LRMDA: variants seen among roughly 807,000 people sequenced by gnomAD.
LRMDA encodes the protein leucine rich melanocyte differentiation associated, also known as leucine-rich melanocyte differentiation-associated protein.
LRMDA carries 18 observed loss-of-function variants against 29.8 expected under a neutral mutation model. That is an observed-to-expected ratio of 0.60 (90% CI 0.42 to 0.90). The LOEUF is 0.90. LRMDA is among the 40% of genes least tolerant of loss of function. The pLI is 0.00. For synonymous variants in LRMDA, 125 were observed against 109.4 expected (o/e 1.14, Z -0.89); for missense variants, 273 against 273.9 (o/e 1.00, Z 0.02).
At chr10:75,612,336 T>A (rs1197620563) in intron 2 of LRMDA, among the ~76,000 whole-genome samples, 2 of 152,186 alleles carry the variant, frequency 1.3e-5, no homozygotes, top group Admixed American at 6.5e-5. Context: ...GAAAGCAATC[T>A]AGGCAATAAT....
At chr10:76,368,223 A>T (rs1841414570) in intron 6 of LRMDA, among the ~76,000 whole-genome samples, 1 of 151,916 alleles carries the variant, frequency 6.6e-6, no homozygotes, top group Non-Finnish European at 1.5e-5. Flanking sequence ...AGACTTTTTG[A>T]TGTAGGCGTT....
rs116418313 is a variant in LRMDA, at chr10:76,218,706, G to T, written c.517-105695G>T. 6.2e-3 allele frequency among the ~76,000 whole-genome samples: 943 copies of T among 152,256 alleles called. 14 individuals carry two copies. Among genetic ancestry groups the T allele is most frequent in the African/African-American group, 0.021 (881 of 41,554 alleles). Reference sequence around the variant, plus strand: ...TGGGAGGTGTGTAGGCCCTCTGATGGCCTGTTGGTGGATCAAATCACCATT... The same window carrying T: ...TGGGAGGTGTGTAGGCCCTCTGATGTCCTGTTGGTGGATCAAATCACCATT... On this transcript the variant is annotated intron_variant, in intron 5 of 6. Transcript: ENST00000611255.
intron 2 of LRMDA, among the ~76,000 whole-genome samples, chr10:75,880,403 G>A (rs1183785874): frequency 2.6e-5 from 4 of 152,268 alleles, no homozygotes; most frequent in South Asian, 2.1e-4. Context: ...AAATTTTCAC[G>A]CTAACATTTT....
chr10:75,687,989 GA>G (rs200319614), intron 2 of LRMDA, among the ~76,000 whole-genome samples: 1 of 152,082 alleles, frequency 6.6e-6, no homozygotes, highest in Non-Finnish European at 1.5e-5. Context: ...CTACTGCTCA[GA>G]AAAAAAGATT....
intron 5 of LRMDA, among the ~76,000 whole-genome samples, chr10:76,289,811 A>G (rs546916050): frequency 1.9e-3 from 296 of 152,298 alleles, no homozygotes; most frequent in Admixed American, 5.9e-3. Flanking sequence ...CTTTTCGAGC[A>G]TCTGATGGTG....
chr10:76,363,176 A>AGAAAGAGGGAGGGAGGGAG (rs1459442138), intron 6 of LRMDA, among the ~76,000 whole-genome samples: 1 of 21,794 alleles, frequency 4.6e-5, no homozygotes, highest in African/African-American at 1.4e-4. Context: ...AAAGAAAGAA[A>AGAAAGAGGGAGGGAGGGAG]GGAGGGAGGG....
chr10:75,510,999 C>T (rs567171565), intron 2 of LRMDA, among the ~76,000 whole-genome samples: 1 of 152,196 alleles, frequency 6.6e-6, no homozygotes, highest in Non-Finnish European at 1.5e-5. Context: ...TCTGTGCCCA[C>T]ACTGGCACCT....
intron 2 of LRMDA, among the ~76,000 whole-genome samples, chr10:75,573,495 G>T (rs1798385200): frequency 6.6e-6 from 1 of 151,822 alleles, no homozygotes; most frequent in Admixed American, 6.6e-5. Context: ...ATCTCCCCAT[G>T]CTGAGCTCTG....
At chr10:76,283,555 A>G (rs1391855758) in intron 5 of LRMDA, among the ~76,000 whole-genome samples, 1 of 152,200 alleles carries the variant, frequency 6.6e-6, no homozygotes, top group African/African-American at 2.4e-5. Flanking sequence ...GTGGCCAGTG[A>G]TTGAATAATT....
intron 3 of LRMDA, among the ~76,000 whole-genome samples, chr10:76,042,173 G>T (rs567168385): frequency 4.5e-4 from 68 of 152,118 alleles, no homozygotes; most frequent in Non-Finnish European, 8.1e-4. Context: ...CAGCATAAAG[G>T]CGAAGGACTG....
chr10:76,013,800 G>A (rs1475270718), intron 2 of LRMDA, among the ~76,000 whole-genome samples: 4 of 151,880 alleles, frequency 2.6e-5, no homozygotes, highest in African/African-American at 7.3e-5. Context: ...TGGGGCAAGG[G>A]CTGTTAGCAG....
At chr10:75,749,209 TTTCTC>T (rs1463660718) in intron 2 of LRMDA, among the ~76,000 whole-genome samples, 1 of 152,244 alleles carries the variant, frequency 6.6e-6, no homozygotes, top group Non-Finnish European at 1.5e-5. Flanking sequence ...AACATTTTCT[TTTCTC>T]TATCTTACTT....
At chr10:76,124,512 G>C (rs1849845532) in intron 5 of LRMDA, among the ~76,000 whole-genome samples, 1 of 152,212 alleles carries the variant, frequency 6.6e-6, no homozygotes, top group Non-Finnish European at 1.5e-5. Context: ...GCTATATTTT[G>C]GTATGTTCTT....
chr10:76,021,105 A>G (rs1401853235), intron 2 of LRMDA, among the ~76,000 whole-genome samples: 2 of 152,238 alleles, frequency 1.3e-5, no homozygotes, highest in Non-Finnish European at 2.9e-5. Flanking sequence ...AGGAGACAAG[A>G]GTAAGATACC....
At chr10:75,751,760 A>G (rs1296827033) in intron 2 of LRMDA, among the ~76,000 whole-genome samples, 1 of 151,720 alleles carries the variant, frequency 6.6e-6, no homozygotes, top group Non-Finnish European at 1.5e-5. Flanking sequence ...AACATTATTA[A>G]ATACACGGCT....
At chr10:76,352,880 G>A (rs1358464846) in intron 6 of LRMDA, among the ~76,000 whole-genome samples, 2 of 152,074 alleles carry the variant, frequency 1.3e-5, no homozygotes, top group Non-Finnish European at 2.9e-5. Flanking sequence ...TCTTAGACAT[G>A]CCACTCGGTA....
At chr10:75,506,319 C>T (rs780638449) in intron 2 of LRMDA, among the ~76,000 whole-genome samples, 3 of 152,156 alleles carry the variant, frequency 2.0e-5, no homozygotes, top group Non-Finnish European at 4.4e-5. Flanking sequence ...CCTGCCACTC[C>T]CCTGTCTGAT....
intron 1 of LRMDA, among the ~76,000 whole-genome samples, chr10:75,437,848 G>A (rs759896687): frequency 1.3e-5 from 2 of 152,150 alleles, no homozygotes; most frequent in Non-Finnish European, 2.9e-5. Flanking sequence ...GTTTGGGTGT[G>A]GAGGGCATTT....
At chr10:76,510,559 C>T (rs915600659) in intron 6 of LRMDA, among the ~76,000 whole-genome samples, 3 of 152,108 alleles carry the variant, frequency 2.0e-5, no homozygotes, top group South Asian at 4.1e-4. Flanking sequence ...TCAGAAGAAC[C>T]TCGGACTGCC....
Sources: allele counts gnomAD v4.1 joint callset (sites outside exome capture counted in the v4.1 genomes callset), GRCh38; gene constraint gnomAD v4.1.1; transcripts MANE v1.5; gene names NCBI Gene and HGNC (gene_info 2026-07-23, HGNC 2026-07-21).